The following SEC24D variants were observed in gnomAD, a reference collection of about 807,000 sequenced individuals.
SEC24D encodes the protein SEC24 homolog D, COPII component.
Under a neutral mutation model 116.9 loss-of-function variants are expected in SEC24D, and 69 were observed. That is an observed-to-expected ratio of 0.59 (90% CI 0.49 to 0.72). SEC24D has a LOEUF of 0.72. Ranked by LOEUF, SEC24D falls within the 30% of genes least tolerant of loss-of-function variation. The probability of loss-of-function intolerance (pLI) is 0.00; values close to 1 mark genes in which losing one functional copy is unlikely to be tolerated. For synonymous variants in SEC24D, 405 were observed against 442.8 expected (o/e 0.91, Z 1.07); for missense variants, 1,131 against 1,264.1 (o/e 0.89, Z 1.60).
chr4:118,768,590 T>C (rs1387467337), intron 8 of SEC24D, among the ~76,000 whole-genome samples: 1 of 152,178 alleles, frequency 6.6e-6, no homozygotes, highest in East Asian at 1.9e-4. Context: ...AGACGAGGTT[T>C]CGCCATGTTG....
intron 3 of SEC24D, among the ~76,000 whole-genome samples, chr4:118,820,177 ATTTT>A (rs748302677): frequency 7.8e-6 from 1 of 127,448 alleles, no homozygotes. Context: ...AATTAGTTTA[ATTTT>A]TTTTTTTTTT....
chr4:118,783,674 A>G (rs953781561), intron 8 of SEC24D, among the ~76,000 whole-genome samples: 1 of 152,246 alleles, frequency 6.6e-6, no homozygotes, highest in Admixed American at 6.5e-5. Flanking sequence ...AGATGACTGA[A>G]AACATCACTA....
intron 4 of SEC24D, chr4:118,816,633 AGG>A (rs1730160447): frequency 3.8e-6 from 1 of 263,514 alleles, no homozygotes; most frequent in African/African-American, 2.3e-5. Flanking sequence ...CAGAAAATAG[AGG>A]GGTTTTAATG....
intron 8 of SEC24D, 102 bp downstream of exon 8, chr4:118,797,579 CCA>C (rs1184527025): frequency 5.3e-5 from 45 of 846,404 alleles, no homozygotes; most frequent in Non-Finnish European, 7.1e-5. Flanking sequence ...AAAATATATT[CCA>C]GTTTCCTGTT....
chr4:118,752,697 T>G lies in SEC24D; in HGVS notation c.1613A>C (p.Asn538Thr), dbSNP rs1726899041. 1.3e-6 allele frequency: 2 copies of G among 1,592,480 alleles called. No homozygotes were observed. The highest frequency in any genetic ancestry group is 1.7e-6 in the Non-Finnish European group (2 of 1,170,090). The change falls in exon 12 of 23, where the codon AAT (asparagine) becomes ACT (threonine). Residue 538 changes from asparagine to threonine, a missense_variant and splice_region_variant. By Grantham distance (65) the Asn-to-Thr change is moderately conservative (BLOSUM62 0). Coordinates refer to ENST00000280551, the MANE Select transcript of SEC24D (RefSeq NM_014822.4). Reference sequence around the variant, plus strand: ...AAATTATAAAACACTTGATATTTACTTATGAATCACAGATTGGGATTCTTG... The same window carrying G: ...AAATTATAAAACACTTGATATTTACGTATGAATCACAGATTGGGATTCTTG... ...NYQESQSVIH[N>T]LLDQIPDMFA...
At chr4:118,829,337 AC>A (rs150272142) in intron 2 of SEC24D, among the ~76,000 whole-genome samples, 6,653 of 152,054 alleles carry the variant, frequency 0.044, 204 homozygotes, top group Non-Finnish European at 0.064. Context: ...ACATAGTGAG[AC>A]CCCATCTCTA....
chr4:118,769,501 G>A (rs1727799181), intron 8 of SEC24D, among the ~76,000 whole-genome samples: 1 of 152,032 alleles, frequency 6.6e-6, no homozygotes, highest in Non-Finnish European at 1.5e-5. Flanking sequence ...GACTGCTTTT[G>A]AACGGAGGCC....
rs1726088599 is a variant in SEC24D at position 118,738,704 on chromosome 4, CT to C, written c.2378-326del. ...GAATTCTTACGGGCTGGATTGCTAC[CT>C]TTTCCAAACTTTAGTGTAGAATTTC... On this transcript the variant is annotated intron_variant, in intron 18 of 22. Transcript: ENST00000280551. 2.0e-5 allele frequency among the ~76,000 whole-genome samples: 3 copies of C among 152,140 alleles called. No homozygotes were observed. The South Asian group carries it at 6.2e-4, about 31-fold the overall frequency.
At position 118,815,059 on chromosome 4, in the gene SEC24D, T is replaced by G; in HGVS notation, c.770A>C (p.Lys257Thr). 6.2e-7 allele frequency: 1 copy of G among 1,614,210 alleles called. No individual in the cohort carries two copies. Among genetic ancestry groups the G allele is most frequent in the Non-Finnish European group, 8.5e-7 (1 of 1,180,032 alleles). Reference sequence around the variant, plus strand: ...AGGGATAGAGTCAGGATCCAGCTTCTTCTGGGGCTGTGGCGGACCAGCCAT... The same window carrying G: ...AGGGATAGAGTCAGGATCCAGCTTCGTCTGGGGCTGTGGCGGACCAGCCAT... ...AQMAGPPQPQ[K>T]KLDPDSIPSP... The change falls in exon 6 of 23, where the codon AAG becomes ACG. Residue 257 changes from lysine (K) to threonine (T), a missense_variant. Transcript: ENST00000280551.
intron 2 of SEC24D, 102 bp downstream of exon 2, chr4:118,833,477 T>G: frequency 1.3e-6 from 1 of 775,882 alleles, no homozygotes; most frequent in South Asian, 1.8e-5. Flanking sequence ...TTTCATTATA[T>G]AATGATCATT....
rs1726807688 is a variant in SEC24D, at chr4:118,751,176, C to CATTTTTTTTTT, written c.1707+819_1707+820insAAAAAAAAAAT. Among the ~76,000 whole-genome samples, 11 of 100,326 alleles carry CATTTTTTTTTT rather than the reference C, an allele frequency of 1.1e-4. 1 individual carries two copies. Among genetic ancestry groups the CATTTTTTTTTT allele is most frequent in the Non-Finnish European group, 1.8e-4 (9 of 50,344 alleles). The allele number at this position is 100,326 out of a possible 152,430, so 65.8% of individuals were successfully genotyped here. ...TAATAATGATGATTTAGAGTGAGGG[C>CATTTTTTTTTT]TTTTTTTTTTTTTTTTTTTGAGATG... On this transcript the variant is annotated intron_variant, in intron 13 of 22. Coordinates refer to ENST00000280551, the MANE Select transcript of SEC24D (RefSeq NM_014822.4).
intron 8 of SEC24D, among the ~76,000 whole-genome samples, chr4:118,794,676 CCT>C (rs1205495437): frequency 6.6e-6 from 1 of 152,162 alleles, no homozygotes; most frequent in Admixed American, 6.6e-5. Context: ...ACCCCATCCC[CCT>C]GAGAAAAGCT....
Position 118,768,235 on chromosome 4 carries a change from A to G in SEC24D, c.1118T>C (p.Phe373Ser). The stretch of plus-strand genomic sequence containing the variant: ...CCTTCCTCCTTCGATGAACTGCATA[A>G]ATGGGCACATGTAGGCCTTGCACCT... ...CNRCKAYMCP[F>S]MQFIEGGRRY... is the part of the protein sequence containing the mutation. Residue 373 changes from phenylalanine to serine, a missense_variant, in exon 9 of 23, where the codon TTT becomes TCT. Phe to Ser is a radical substitution (Grantham distance 155). Coordinates refer to ENST00000280551, the MANE Select transcript of SEC24D (RefSeq NM_014822.4). 1 of 1,613,932 alleles carries G rather than the reference A, an allele frequency of 6.2e-7. No individual in the cohort carries two copies. Among genetic ancestry groups the G allele is most frequent in the Non-Finnish European group, 8.5e-7 (1 of 1,179,864 alleles).
intron 8 of SEC24D, among the ~76,000 whole-genome samples, chr4:118,789,520 C>T (rs1728799032): frequency 6.6e-6 from 1 of 152,202 alleles, no homozygotes; most frequent in Non-Finnish European, 1.5e-5. Context: ...TTTAGATCTG[C>T]TGAATCTATC....
chr4:118,797,795 C>T lies in SEC24D; in HGVS notation c.929G>A (p.Arg310Gln), dbSNP rs1049918667. 2.1e-5 allele frequency: 33 copies of T among 1,600,232 alleles called. No homozygotes were observed. Among genetic ancestry groups the T allele is most frequent in the African/African-American group, 2.7e-5 (2 of 74,768 alleles). ...MIQDQGNASP[R>Q]FIRCTTYCFP... ...ACAGTATGTTGTACAACGGATGAAT[C>T]GAGGACTGGCATTTCCTGAAACATT... The change falls in exon 8 of 23, where the codon CGA (arginine) becomes CAA (glutamine). Residue 310 changes from arginine to glutamine, a missense_variant. Coordinates refer to ENST00000280551, the MANE Select transcript of SEC24D (RefSeq NM_014822.4).
intron 8 of SEC24D, among the ~76,000 whole-genome samples, chr4:118,785,150 C>T (rs1728614680): frequency 6.6e-6 from 1 of 152,100 alleles, no homozygotes; most frequent in African/African-American, 2.4e-5. Flanking sequence ...TACTTTGTAA[C>T]AGTTTTAGTA....
At chr4:118,745,491 C>T (rs1726472436) in intron 13 of SEC24D, among the ~76,000 whole-genome samples, 1 of 152,096 alleles carries the variant, frequency 6.6e-6, no homozygotes. Context: ...CTTCAGTAAA[C>T]ATGGATTAAA....
At chr4:118,757,895 T>C (rs759706536) in intron 10 of SEC24D, 50 bp from the exon 11 acceptor site, 2 of 1,485,942 alleles carry the variant, frequency 1.3e-6, no homozygotes, top group Admixed American at 2.1e-5. Context: ...CATTGCATAA[T>C]CAAATGTCAA....
chr4:118,738,413 T>C (rs757260926), intron 18 of SEC24D, 34 bp from the exon 19 acceptor site: 2 of 1,397,418 alleles, frequency 1.4e-6, no homozygotes, highest in Admixed American at 3.4e-5. Flanking sequence ...GACATGAGTT[T>C]TAGCTCAGAC....
Sources: gnomAD v4.1 joint callset for allele counts (sites outside exome capture counted in the v4.1 genomes callset) on GRCh38, gnomAD v4.1.1 for gene constraint, MANE v1.5 for transcripts, NCBI Gene and HGNC (gene_info 2026-07-23, HGNC 2026-07-21) for gene names.